The following VOPP1 variants were observed in gnomAD, a reference collection of about 807,000 sequenced individuals.
The protein encoded by VOPP1 is VOPP1 WW domain binding protein.
Under a neutral mutation model 23.5 loss-of-function variants are expected in VOPP1, and 8 were observed. The ratio of observed to expected loss-of-function variants is 0.34; its 90% CI spans 0.20 to 0.61. The LOEUF (loss-of-function observed/expected upper bound fraction) is 0.61. Among genes scored for constraint, VOPP1 ranks in the 20% least tolerant of loss-of-function variants. The probability of loss-of-function intolerance (pLI) is 0.78; values close to 1 mark genes in which losing one functional copy is unlikely to be tolerated. For missense variants in VOPP1, 174 were observed against 238.1 expected (o/e 0.73, Z 1.77); for synonymous variants, 83 against 97.3 (o/e 0.85, Z 0.86).
chr7:55,501,299 A>G (rs904120828), intron 2 of VOPP1, among the ~76,000 whole-genome samples: 6 of 152,252 alleles, frequency 3.9e-5, no homozygotes, highest in African/African-American at 1.4e-4. Flanking sequence ...CCCCCACAAC[A>G]TTAGCTGTTT....
intron 2 of VOPP1, 40 bp downstream of exon 2, chr7:55,521,032 T>G: frequency 1.9e-6 from 3 of 1,547,456 alleles, no homozygotes; most frequent in Non-Finnish European, 2.6e-6. Context: ...GAGAAAGGTA[T>G]GGCCACAGAA....
intron 4 of VOPP1, among the ~76,000 whole-genome samples, chr7:55,455,583 T>C (rs1228419275): frequency 6.6e-6 from 1 of 152,186 alleles, no homozygotes; most frequent in Admixed American, 6.5e-5. Context: ...AAAAACAGCA[T>C]GGTACTGGTA....
At chr7:55,490,659 A>G (rs796219877) in intron 4 of VOPP1, among the ~76,000 whole-genome samples, 1 of 152,320 alleles carries the variant, frequency 6.6e-6, no homozygotes, top group South Asian at 2.1e-4. Context: ...AGACCCAGTG[A>G]GTGGCGGCTT....
intron 4 of VOPP1, among the ~76,000 whole-genome samples, chr7:55,457,463 T>TG (rs1791395760): frequency 6.6e-6 from 1 of 152,234 alleles, no homozygotes; most frequent in Non-Finnish European, 1.5e-5. Context: ...CGATTTCCTG[T>TG]CTTTTGGGTA....
At chr7:55,474,994 C>T (rs932791887) in intron 4 of VOPP1, among the ~76,000 whole-genome samples, 7 of 152,160 alleles carry the variant, frequency 4.6e-5, no homozygotes, top group South Asian at 2.1e-4. Context: ...TTGGGGTTCC[C>T]GTGCTCTTTC....
intron 4 of VOPP1, among the ~76,000 whole-genome samples, chr7:55,440,286 CTGG>C (rs1790931871): frequency 6.6e-6 from 1 of 152,218 alleles, no homozygotes; most frequent in Non-Finnish European, 1.5e-5. Context: ...CATGATCTGG[CTGG>C]ACCTTTTAGA....
At chr7:55,564,225 C>T (rs1798079087) in intron 1 of VOPP1, among the ~76,000 whole-genome samples, 1 of 135,338 alleles carries the variant, frequency 7.4e-6, no homozygotes, top group African/African-American at 2.7e-5. Flanking sequence ...CATCAACACA[C>T]TCTTTCTCTC....
At chr7:55,444,704 T>C (rs1357563195) in intron 4 of VOPP1, among the ~76,000 whole-genome samples, 2 of 123,080 alleles carry the variant, frequency 1.6e-5, no homozygotes, top group Non-Finnish European at 3.4e-5. Context: ...CCTGCCAGCT[T>C]CGTAGAAACT....
chr7:55,448,819 C>A (rs1185760863), intron 4 of VOPP1, among the ~76,000 whole-genome samples: 3 of 152,260 alleles, frequency 2.0e-5, no homozygotes, highest in Non-Finnish European at 4.4e-5. Flanking sequence ...TGGCGAGGAG[C>A]AGCATTGCCA....
chr7:55,518,463 T>C (rs1795618059), intron 2 of VOPP1, among the ~76,000 whole-genome samples: 1 of 152,216 alleles, frequency 6.6e-6, no homozygotes. Context: ...CACGGCCCCA[T>C]ACTGAAGCAC....
chr7:55,492,361 C>T lies in VOPP1; in HGVS notation c.249G>A (p.Arg83=). 5.0e-6 allele frequency: 8 copies of T among 1,609,022 alleles called. No homozygotes were observed. The highest frequency in any genetic ancestry group is 5.9e-6 in the Non-Finnish European group (7 of 1,177,806). ...FCCGAGFFIR[R]RMYPPPLIEE... ...CGATCAGCGGCGGGGGGTACATGCGCCTCCGGATGAAGAAGCCGGCTCCGC... is the reference window on the plus strand; with the variant it reads ...CGATCAGCGGCGGGGGGTACATGCGTCTCCGGATGAAGAAGCCGGCTCCGC... The change falls in exon 4 of 5, where the codon AGG becomes AGA. Residue 83 remains arginine (R), a synonymous_variant. Transcript: ENST00000285279.
chr7:55,520,192 G>T (rs138739420), intron 2 of VOPP1, among the ~76,000 whole-genome samples: 1,673 of 152,108 alleles, frequency 0.011, 11 homozygotes, highest in Middle Eastern at 0.02. Flanking sequence ...AAAATAACGC[G>T]TTTTCCTATT....
intron 4 of VOPP1, among the ~76,000 whole-genome samples, chr7:55,442,571 G>A (rs557912308): frequency 1.2e-4 from 18 of 151,990 alleles, no homozygotes; most frequent in African/African-American, 4.1e-4. Flanking sequence ...ATGAGTCTAG[G>A]CACTGATCGT....
chr7:55,481,879 G>A (rs1024697276), intron 4 of VOPP1, among the ~76,000 whole-genome samples: 13 of 152,306 alleles, frequency 8.5e-5, no homozygotes, highest in Non-Finnish European at 1.5e-4. Context: ...CCTAGTATCC[G>A]GAGGTATGCA....
At chr7:55,547,640 A>G (rs1007738186) in intron 1 of VOPP1, among the ~76,000 whole-genome samples, 3 of 152,206 alleles carry the variant, frequency 2.0e-5, no homozygotes, top group African/African-American at 7.2e-5. Flanking sequence ...GTCTCCTACT[A>G]GCTACCAATA....
intron 1 of VOPP1, 81 bp downstream of exon 1, chr7:55,572,190 G>T: frequency 8.2e-7 from 1 of 1,223,594 alleles, no homozygotes; most frequent in East Asian, 3.1e-5. Flanking sequence ...AGGTCCTCTG[G>T]GGCGCCTCGG....
intron 1 of VOPP1, among the ~76,000 whole-genome samples, chr7:55,559,959 C>G (rs1335755441): frequency 2.6e-5 from 4 of 152,218 alleles, no homozygotes; most frequent in African/African-American, 7.2e-5. Flanking sequence ...TCCAGACCAG[C>G]CTGGCCAACA....
intron 1 of VOPP1, among the ~76,000 whole-genome samples, chr7:55,529,134 C>T (rs1584040658): frequency 6.6e-6 from 1 of 152,150 alleles, no homozygotes; most frequent in Admixed American, 6.5e-5. Flanking sequence ...AATCCCAGCA[C>T]TTTGGGAGGC....
intron 2 of VOPP1, among the ~76,000 whole-genome samples, chr7:55,501,657 T>C (rs1331298212): frequency 6.6e-6 from 1 of 152,214 alleles, no homozygotes; most frequent in Non-Finnish European, 1.5e-5. Context: ...TTCTAGAAGA[T>C]ACAACACTCA....
Sources: gnomAD v4.1 joint callset for allele counts (sites outside exome capture counted in the v4.1 genomes callset) on GRCh38, gnomAD v4.1.1 for gene constraint, MANE v1.5 for transcripts, NCBI Gene and HGNC (gene_info 2026-07-23, HGNC 2026-07-21) for gene names.